ITPR1: variants seen among roughly 807,000 people sequenced by gnomAD.
ITPR1 encodes the protein inositol 1,4,5-trisphosphate receptor type 1, also known as inositol 1,4,5-trisphosphate-gated calcium channel ITPR1.
Under a neutral mutation model 318.4 loss-of-function variants are expected in ITPR1, and 96 were observed. The observed-to-expected ratio is 0.30, with a 90% CI of 0.26 to 0.36. ITPR1 has a LOEUF of 0.36. Among genes scored for constraint, ITPR1 ranks in the 10% least tolerant of loss-of-function variants. ITPR1 has a pLI of 1.00. For missense variants in ITPR1, 2,440 were observed against 3,460.2 expected, an observed-to-expected ratio of 0.71 and a Z score of 7.40; for synonymous variants, 1,312 against 1,289.9, an observed-to-expected ratio of 1.02 and a Z score of -0.37.
chr3:4,664,878 A>G (rs1486892994), intron 16 of ITPR1, among the ~76,000 whole-genome samples: 1 of 152,172 alleles, frequency 6.6e-6, no homozygotes, highest in Non-Finnish European at 1.5e-5. Flanking sequence ...TGCTGATTCC[A>G]TTGTCTGTGT....
chr3:4,809,174 C>G (rs2048777680), intron 55 of ITPR1, among the ~76,000 whole-genome samples: 1 of 152,162 alleles, frequency 6.6e-6, no homozygotes, highest in Non-Finnish European at 1.5e-5. Flanking sequence ...TGAATGTAAA[C>G]TGATCCTGCC....
chr3:4,588,437 T>C (rs1029629653), intron 4 of ITPR1, among the ~76,000 whole-genome samples: 2 of 152,128 alleles, frequency 1.3e-5, no homozygotes, highest in African/African-American at 4.8e-5. Context: ...ATTTTCTCAC[T>C]TGGCTTTGCA....
intron 42 of ITPR1, among the ~76,000 whole-genome samples, chr3:4,727,734 G>C (rs1473089300): frequency 6.6e-6 from 1 of 151,978 alleles, no homozygotes; most frequent in Non-Finnish European, 1.5e-5. Flanking sequence ...CACCCGGCTA[G>C]TTTTCTTTTA....
intron 59 of ITPR1, among the ~76,000 whole-genome samples, chr3:4,816,447 AGTATCTCGGC>A (rs1366900309): frequency 6.6e-6 from 1 of 152,190 alleles, no homozygotes; most frequent in East Asian, 1.9e-4. Context: ...TCTTGTAACT[AGTATCTCGGC>A]TCACTGTAAC....
chr3:4,698,565 C>T (rs1315397830), intron 34 of ITPR1, among the ~76,000 whole-genome samples: 5 of 152,052 alleles, frequency 3.3e-5, no homozygotes, highest in Non-Finnish European at 7.4e-5. Context: ...TCAGTTCTGC[C>T]CTTCTAGCAT....
chr3:4,569,960 T>C (rs2087809264), intron 4 of ITPR1, among the ~76,000 whole-genome samples: 1 of 152,210 alleles, frequency 6.6e-6, no homozygotes, highest in African/African-American at 2.4e-5. Context: ...TTTAAATTGT[T>C]GGTTGGTGGA....
Position 4,661,001 on chromosome 3 carries a change from C to T in ITPR1, c.1165C>T (p.Arg389Trp), listed in dbSNP as rs771284126. 2.5e-6 allele frequency: 4 copies of T among 1,587,548 alleles called. No individual in the cohort carries two copies. The highest frequency in any genetic ancestry group is 1.1e-5 in the South Asian group (1 of 88,514). ...DSLVPRNSYVRLRHLCTNTWV... is the reference protein window; with the variant it reads ...DSLVPRNSYVWLRHLCTNTWV... ...TTTCCCTGTTAGGAACTCTTATGTT[C>T]GGCTCAGACACCTATGTACTAATAC... is the stretch of plus-strand genomic sequence containing the variant. Residue 389 changes from arginine to tryptophan, a missense_variant, in exon 14 of 62, where the codon CGG becomes TGG. Physicochemically the swap from Arg to Trp is moderately radical, Grantham distance 101. Coordinates refer to ENST00000649015, the MANE Select transcript of ITPR1 (RefSeq NM_001378452.1).
chr3:4,687,797 C>T (rs2094419834), intron 30 of ITPR1, among the ~76,000 whole-genome samples: 1 of 152,198 alleles, frequency 6.6e-6, no homozygotes, highest in Non-Finnish European at 1.5e-5. Flanking sequence ...GTATTATCCC[C>T]ATTTTGCTGA....
chr3:4,803,281 G>C (rs542819371), intron 54 of ITPR1, among the ~76,000 whole-genome samples: 6 of 152,172 alleles, frequency 3.9e-5, no homozygotes, highest in Non-Finnish European at 8.8e-5. Context: ...ACAGATTTGG[G>C]GGGGACACAG....
intron 42 of ITPR1, among the ~76,000 whole-genome samples, chr3:4,731,218 C>T (rs768877506): frequency 3.2e-4 from 48 of 152,288 alleles, no homozygotes; most frequent in Non-Finnish European, 6.6e-4. Flanking sequence ...ACTGCGTTCC[C>T]AGTGACTTCT....
At chr3:4,757,020 G>A (rs1037067775) in intron 44 of ITPR1, among the ~76,000 whole-genome samples, 1 of 152,196 alleles carries the variant, frequency 6.6e-6, no homozygotes, top group Non-Finnish European at 1.5e-5. Flanking sequence ...GACATGGCAG[G>A]TGGTAAGACC....
chr3:4,735,034 G>A, intron 43 of ITPR1, 130 bp from the exon 44 acceptor site: 1 of 701,568 alleles, frequency 1.4e-6, no homozygotes, highest in South Asian at 2.0e-5. Flanking sequence ...TTCCTTGTGG[G>A]ATTAAAAGGG....
At chr3:4,513,241 GTTGACTT>G (rs1466180539) in intron 2 of ITPR1, among the ~76,000 whole-genome samples, 2 of 152,204 alleles carry the variant, frequency 1.3e-5, no homozygotes, top group Non-Finnish European at 2.9e-5. Context: ...GGCCTGTTCT[GTTGACTT>G]TCCCGGCCTT....
At chr3:4,548,148 G>A (rs558230435) in intron 4 of ITPR1, among the ~76,000 whole-genome samples, 1 of 152,328 alleles carries the variant, frequency 6.6e-6, no homozygotes, top group East Asian at 1.9e-4. Flanking sequence ...TTATCTGACT[G>A]TAAGTGGAAA....
At chr3:4,657,494 G>T (rs1301832388) in intron 12 of ITPR1, among the ~76,000 whole-genome samples, 1 of 146,260 alleles carries the variant, frequency 6.8e-6, no homozygotes, top group South Asian at 2.2e-4. Context: ...TTGAGACAGA[G>T]TCTCACTCTG....
intron 4 of ITPR1, among the ~76,000 whole-genome samples, chr3:4,532,029 C>T (rs1339841093): frequency 6.6e-6 from 1 of 152,232 alleles, no homozygotes; most frequent in Admixed American, 6.5e-5. Context: ...ATGAGTTAAT[C>T]TGTGTAAAGC....
Position 4,666,764 on chromosome 3 carries a change from A to G in ITPR1, c.1714-613A>G, listed in dbSNP as rs537363010. Among the ~76,000 whole-genome samples, 5 of 152,340 alleles carry G rather than the reference A, an allele frequency of 3.3e-5. No individual in the cohort carries two copies. The South Asian group carries it at 1.0e-3, about 32-fold the overall frequency. ...ACAGAAACAAACAGGTATTTGTAAG[A>G]GATTTCCTTGAGTTCACAAATATTT... is the stretch of plus-strand genomic sequence containing the variant. On this transcript the variant is annotated intron_variant, in intron 17 of 61. Transcript: ENST00000649015.
intron 4 of ITPR1, among the ~76,000 whole-genome samples, chr3:4,551,455 A>G (rs1248973690): frequency 6.6e-6 from 1 of 152,206 alleles, no homozygotes; most frequent in African/African-American, 2.4e-5. Flanking sequence ...ATGAGAACAG[A>G]TCTTTCTAAT....
rs766469439 is a variant in ITPR1, at chr3:4,669,675, C to T, written c.1908C>T (p.Asp636=). 1 of 1,612,890 alleles carries T rather than the reference C, an allele frequency of 6.2e-7. No individual in the cohort carries two copies. The highest frequency in any genetic ancestry group is 8.5e-7 in the Non-Finnish European group (1 of 1,179,202). The part of the protein sequence containing the change: ...REPRFLDYLS[D]LCVSMNKSIP... ...TTAGATTCTTAGATTACCTCTCCGACCTCTGTGTCTCCATGAACAAATCAA... is the reference window on the plus strand; with the variant it reads ...TTAGATTCTTAGATTACCTCTCCGATCTCTGTGTCTCCATGAACAAATCAA... Residue 636 remains aspartate (D), a synonymous_variant, in exon 19 of 62, where the codon GAC becomes GAT. Coordinates refer to ENST00000649015, the MANE Select transcript of ITPR1 (RefSeq NM_001378452.1).
Sources: gnomAD v4.1 joint callset for allele counts (sites outside exome capture counted in the v4.1 genomes callset) on GRCh38, gnomAD v4.1.1 for gene constraint, MANE v1.5 for transcripts, NCBI Gene and HGNC (gene_info 2026-07-23, HGNC 2026-07-21) for gene names.